MAP2K5: variants seen among roughly 807,000 people sequenced by gnomAD.
MAP2K5 encodes the protein dual specificity mitogen-activated protein kinase kinase 5.
A neutral mutation model predicts 83.1 loss-of-function variants in MAP2K5; 49 were observed. The observed-to-expected ratio is 0.59, with a 90% confidence interval of 0.47 to 0.75. The LOEUF (loss-of-function observed/expected upper bound fraction) is 0.75, where lower values mean the gene tolerates loss of function less well. MAP2K5 is among the 30% of genes least tolerant of loss of function. The pLI, the probability that MAP2K5 is intolerant of heterozygous loss-of-function variation, is 0.00. For synonymous variants in MAP2K5, 202 were observed against 191.8 expected (o/e 1.05, Z -0.44); for missense variants, 457 against 557.5 (o/e 0.82, Z 1.82).
In MAP2K5 at chr15:67,555,975, G is replaced by T. The variant is rs1195264173; in HGVS notation, c.184+5893G>T. 6.6e-6 allele frequency among the ~76,000 whole-genome samples: 1 copy of T among 151,940 alleles called. No homozygotes were observed. ...ATTTTTTTGTATTTTTAGTAGATAC[G>T]GGGTTTCACCATGTTGACCAGACTG... On this transcript the variant is annotated intron_variant, in intron 2 of 21. Coordinates refer to ENST00000178640, the MANE Select transcript of MAP2K5 (RefSeq NM_145160.3). The surrounding 1 kb of genome is among the most constrained non-coding windows in gnomAD (Gnocchi z 5.2).
chr15:67,787,163 C>T (rs1057386742), intron 21 of MAP2K5, among the ~76,000 whole-genome samples: 2 of 152,224 alleles, frequency 1.3e-5, no homozygotes, highest in Non-Finnish European at 2.9e-5. Context: ...ACTGATTCCG[C>T]CTGCCCCTGG....
intron 13 of MAP2K5, among the ~76,000 whole-genome samples, chr15:67,675,247 A>G (rs764182697): frequency 6.6e-6 from 1 of 152,224 alleles, no homozygotes; most frequent in Non-Finnish European, 1.5e-5. Flanking sequence ...CATTCATACC[A>G]TGGATTACTG....
chr15:67,637,910 A>ATGTGTG lies in MAP2K5; in HGVS notation c.585+6988_585+6993dup, dbSNP rs111468310. Among the ~76,000 whole-genome samples, 5,443 of 150,536 alleles carry ATGTGTG rather than the reference A, an allele frequency of 0.036. 224 individuals are homozygous for ATGTGTG. Among genetic ancestry groups the ATGTGTG allele is most frequent in the African/African-American group, 0.092 (3,765 of 41,060 alleles). On this transcript the variant is annotated intron_variant, in intron 9 of 21. Coordinates refer to ENST00000178640, the MANE Select transcript of MAP2K5 (RefSeq NM_145160.3). The surrounding 1 kb of genome is among the most constrained non-coding windows in gnomAD (Gnocchi z 4.5). ...ATGTCCAATGTCTGGAAGCCTGTTG[A>ATGTGTG]TGTGTGTGTGAGTGTGTGTGTATGT... is the stretch of plus-strand genomic sequence containing the variant.
intron 8 of MAP2K5, among the ~76,000 whole-genome samples, chr15:67,625,466 G>T (rs1012913224): frequency 1.8e-4 from 27 of 152,332 alleles, no homozygotes; most frequent in African/African-American, 6.0e-4. Context: ...CTAATTTGAA[G>T]TGTTAGCTGT....
intron 17 of MAP2K5, among the ~76,000 whole-genome samples, chr15:67,730,235 A>G (rs983237008): frequency 2.0e-5 from 3 of 152,202 alleles, no homozygotes; most frequent in African/African-American, 7.2e-5. Flanking sequence ...TATGCCCTCA[A>G]AAAAAGCACA....
intron 6 of MAP2K5, among the ~76,000 whole-genome samples, chr15:67,591,217 C>T (rs566127471): frequency 6.6e-6 from 1 of 151,792 alleles, no homozygotes; most frequent in South Asian, 2.1e-4. Context: ...TGATGGCATG[C>T]ACCTGTAGTC....
In MAP2K5 at chr15:67,636,051, G is replaced by A. The variant is rs1433898469; in HGVS notation, c.585+5124G>A. ...ATTCATGGGCTCAAGCAATCCACCC[G>A]CCTCCACCTATCAAAGTGCTGGGAT... On this transcript the variant is annotated intron_variant, in intron 9 of 21. Transcript: ENST00000178640. This position sits in a 1 kb window ranked among gnomAD's most constrained non-coding sequence, Gnocchi z 4.7. 3.3e-5 allele frequency among the ~76,000 whole-genome samples: 5 copies of A among 151,982 alleles called. No homozygotes were observed. Among genetic ancestry groups the A allele is most frequent in the East Asian group, 1.9e-4 (1 of 5,176 alleles).
At chr15:67,613,239 A>C (rs2085972732) in intron 8 of MAP2K5, among the ~76,000 whole-genome samples, 1 of 152,252 alleles carries the variant, frequency 6.6e-6, no homozygotes, top group African/African-American at 2.4e-5. Context: ...AGAACAGTGC[A>C]GAAAACTTAA....
chr15:67,585,033 G>A (rs1316861236), intron 4 of MAP2K5, among the ~76,000 whole-genome samples: 1 of 134,192 alleles, frequency 7.5e-6, no homozygotes, highest in Non-Finnish European at 1.6e-5. Context: ...TCTATTTCTT[G>A]TTGTCAGAAA....
intron 3 of MAP2K5, among the ~76,000 whole-genome samples, chr15:67,574,920 C>T (rs188074187): frequency 1.3e-4 from 19 of 151,960 alleles, no homozygotes; most frequent in African/African-American, 3.9e-4. Flanking sequence ...TGGTTAAATA[C>T]GGGGGAGAAG....
intron 8 of MAP2K5, among the ~76,000 whole-genome samples, chr15:67,616,415 A>G (rs920040595): frequency 6.6e-6 from 1 of 152,192 alleles, no homozygotes; most frequent in Non-Finnish European, 1.5e-5. Context: ...CTTTTTCATA[A>G]TGAATCAGAT....
At chr15:67,590,740 C>T (rs755717698) in intron 6 of MAP2K5, among the ~76,000 whole-genome samples, 1 of 152,048 alleles carries the variant, frequency 6.6e-6, no homozygotes, top group Non-Finnish European at 1.5e-5. Context: ...AGGCTTGAGA[C>T]GCTGTGCTTG....
Position 67,563,381 on chromosome 15 carries a change from T to A in MAP2K5, c.252+31T>A, listed in dbSNP as rs2084777979. On this transcript the variant is annotated intron_variant, in intron 3 of 21. Transcript: ENST00000178640. This position sits in a 1 kb window ranked among gnomAD's most constrained non-coding sequence, Gnocchi z 4.5. The stretch of plus-strand genomic sequence containing the variant: ...TATACGACAAATGAAGACTATTTTT[T>A]AAAATCTTAACGTGATTGAGGATGC... 4.4e-6 allele frequency: 7 copies of A among 1,596,586 alleles called. No homozygotes were observed. The highest frequency in any genetic ancestry group is 6.0e-6 in the Non-Finnish European group (7 of 1,173,098).
At chr15:67,787,820 G>A (rs187109782) in intron 21 of MAP2K5, among the ~76,000 whole-genome samples, 1 of 152,096 alleles carries the variant, frequency 6.6e-6, no homozygotes, top group Admixed American at 6.5e-5. Context: ...CTAACTGTAG[G>A]CTTTAACTGC....
intron 21 of MAP2K5, among the ~76,000 whole-genome samples, chr15:67,795,758 G>T (rs191140727): frequency 6.6e-6 from 1 of 151,992 alleles, no homozygotes; most frequent in Non-Finnish European, 1.5e-5. Context: ...CAAATATTTC[G>T]TGGCTGTACT....
Position 67,644,965 on chromosome 15 carries a change from T to C in MAP2K5, c.586-1266T>C, listed in dbSNP as rs2086797222. ...GAGTTCAAGACCAGCCTGGCCAACA[T>C]GGTGAAACCCCATCTCTACTAAAAA... On this transcript the variant is annotated intron_variant, in intron 9 of 21. Coordinates refer to ENST00000178640, the MANE Select transcript of MAP2K5 (RefSeq NM_145160.3). The surrounding 1 kb of genome is among the most constrained non-coding windows in gnomAD (Gnocchi z 4.6). Among the ~76,000 whole-genome samples, 1 of 151,728 alleles carries C rather than the reference T, an allele frequency of 6.6e-6. No homozygotes were observed. The highest frequency in any genetic ancestry group is 2.4e-5 in the African/African-American group (1 of 41,262).
intron 4 of MAP2K5, among the ~76,000 whole-genome samples, chr15:67,583,620 T>C (rs553809155): frequency 1.3e-5 from 2 of 152,334 alleles, no homozygotes; most frequent in East Asian, 1.9e-4. Context: ...ACATACTGGG[T>C]ATATTTCCTG....
In MAP2K5 at chr15:67,543,170, G is replaced by T; in HGVS notation, c.-166G>T. ...CTGGGCAGGCTCGGTGCCTGCGGGTGCGTTCCTGATCACCCCTCCCCTCTT... is the reference window on the plus strand; with the variant it reads ...CTGGGCAGGCTCGGTGCCTGCGGGTTCGTTCCTGATCACCCCTCCCCTCTT... On this transcript the variant is annotated 5_prime_UTR_variant, in exon 1 of 22. Transcript: ENST00000178640. This position sits in a 1 kb window ranked among gnomAD's most constrained non-coding sequence, Gnocchi z 4.3. 1.5e-6 allele frequency: 1 copy of T among 668,588 alleles called. No individual in the cohort carries two copies. The highest frequency in any genetic ancestry group is 2.6e-6 in the Non-Finnish European group (1 of 390,020). The allele number at this position is 668,588 out of a possible 1,614,324, so 41.4% of individuals were successfully genotyped here. A position where few individuals can be genotyped will look rare whatever the true frequency, so the allele number is the denominator to read the frequency against.
At chr15:67,784,672 G>A (rs1225166690) in intron 21 of MAP2K5, among the ~76,000 whole-genome samples, 1 of 152,236 alleles carries the variant, frequency 6.6e-6, no homozygotes, top group Non-Finnish European at 1.5e-5. Context: ...TTGGTTATCT[G>A]AGGGGAAGCT....
Sources: allele counts gnomAD v4.1 joint callset (sites outside exome capture counted in the v4.1 genomes callset), GRCh38; gene constraint gnomAD v4.1.1; non-coding constraint Gnocchi (gnomAD v3.1); transcripts MANE v1.5; gene names NCBI Gene and HGNC (gene_info 2026-07-23, HGNC 2026-07-21).